The following PRLR variants were observed in gnomAD, a reference collection of about 807,000 sequenced individuals.
PRLR encodes prolactin receptor.
A neutral mutation model predicts 40.2 loss-of-function variants in PRLR; 13 were observed. The observed-to-expected ratio is 0.32, with a 90% CI of 0.21 to 0.51. PRLR has a LOEUF of 0.51. Among genes scored for constraint, PRLR ranks in the 20% least tolerant of loss-of-function variants. The pLI, the probability that PRLR is intolerant of heterozygous loss-of-function variation, is 0.97. For synonymous variants in PRLR, 269 were observed against 278.7 expected (o/e 0.97, Z 0.35); for missense variants, 656 against 747.3 (o/e 0.88, Z 1.42).
intron 1 of PRLR, among the ~76,000 whole-genome samples, chr5:35,162,566 C>T (rs565516540): frequency 1.3e-5 from 2 of 152,292 alleles, no homozygotes; most frequent in Non-Finnish European, 2.9e-5. Flanking sequence ...ACATGCCCTC[C>T]GAAGAGATTG....
chr5:35,072,395 G>T (rs1769802181), intron 6 of PRLR, among the ~76,000 whole-genome samples, 180 bp downstream of exon 6: 1 of 152,130 alleles, frequency 6.6e-6, no homozygotes, highest in Non-Finnish European at 1.5e-5. Flanking sequence ...GAGCTGTGAA[G>T]ATGAGCCCCC....
At chr5:35,054,543 C>T (rs780057370), downstream of PRLR, among the ~76,000 whole-genome samples, 8 of 152,128 alleles carry the variant, frequency 5.3e-5, no homozygotes, top group Admixed American at 1.3e-4. Flanking sequence ...TGTACAATTA[C>T]AGCAGCTATA....
chr5:35,093,578 A>C (rs1365077320), intron 2 of PRLR, among the ~76,000 whole-genome samples: 3 of 152,206 alleles, frequency 2.0e-5, no homozygotes, highest in African/African-American at 7.2e-5. Flanking sequence ...AGGGTCCAGA[A>C]ATGGACCCTG....
chr5:35,088,341 G>C (rs1383457966), intron 3 of PRLR, among the ~76,000 whole-genome samples: 1 of 152,204 alleles, frequency 6.6e-6, no homozygotes, highest in Non-Finnish European at 1.5e-5. Flanking sequence ...GCAAGTTTTT[G>C]TTTTGCTTTG....
At chr5:35,172,073 T>G (rs982924074) in intron 1 of PRLR, among the ~76,000 whole-genome samples, 1 of 152,296 alleles carries the variant, frequency 6.6e-6, no homozygotes, top group East Asian at 1.9e-4. Context: ...AGGTTAACAG[T>G]GCAAGCTACA....
intron 1 of PRLR, among the ~76,000 whole-genome samples, chr5:35,144,350 G>A (rs1269688708): frequency 6.6e-6 from 1 of 152,156 alleles, no homozygotes; most frequent in African/African-American, 2.4e-5. Context: ...AGAGATGCAG[G>A]TAAACATAGA....
At chr5:35,114,834 A>G (rs1772912351) in intron 2 of PRLR, among the ~76,000 whole-genome samples, 1 of 152,180 alleles carries the variant, frequency 6.6e-6, no homozygotes, top group South Asian at 2.1e-4. Flanking sequence ...ATTTGTTAAC[A>G]TAAAGAGTTT....
In PRLR at chr5:35,080,934, C is replaced by T. The variant is rs144689094; in HGVS notation, c.373+3536G>A. On this transcript the variant is annotated intron_variant, in intron 5 of 9. Transcript: ENST00000618457. The stretch of plus-strand genomic sequence containing the variant: ...AATCCATCATTCTCAGCAAAACTAT[C>T]GCAAAGACAGAAAACCAAACACCGC... Among the ~76,000 whole-genome samples the T allele has an allele frequency of 2.2e-3, 334 of 150,982 alleles. 1 individual carries two copies. Among genetic ancestry groups the T allele is most frequent in the African/African-American group, 7.7e-3 (317 of 41,062 alleles).
intron 1 of PRLR, among the ~76,000 whole-genome samples, chr5:35,165,743 T>C (rs372234332): frequency 4.6e-4 from 70 of 152,342 alleles, no homozygotes; most frequent in African/African-American, 1.6e-3. Context: ...CTGAAAGAAT[T>C]ATATGCCAGG....
intron 5 of PRLR, among the ~76,000 whole-genome samples, chr5:35,079,015 T>G (rs889013079): frequency 6.6e-6 from 1 of 152,194 alleles, no homozygotes; most frequent in Non-Finnish European, 1.5e-5. Context: ...ACAGCCTTCA[T>G]GCTAAAAACT....
At chr5:35,159,713 T>C (rs1490353302) in intron 1 of PRLR, among the ~76,000 whole-genome samples, 1 of 152,172 alleles carries the variant, frequency 6.6e-6, no homozygotes, top group Non-Finnish European at 1.5e-5. Context: ...GCATGGAGTT[T>C]GGGGGCATTT....
At chr5:35,146,566 C>T (rs562891774) in intron 1 of PRLR, among the ~76,000 whole-genome samples, 1 of 152,174 alleles carries the variant, frequency 6.6e-6, no homozygotes, top group Non-Finnish European at 1.5e-5. Context: ...GCATCATTGT[C>T]ATCGTTATAA....
At chr5:35,119,183 G>T (rs995773127) in intron 1 of PRLR, among the ~76,000 whole-genome samples, 2 of 152,150 alleles carry the variant, frequency 1.3e-5, no homozygotes, top group African/African-American at 4.8e-5. Flanking sequence ...TCCAAGCAAA[G>T]GCAAATAATC....
Position 35,066,046 on chromosome 5 carries a change from A to G in PRLR, c.912T>C (p.Thr304=). The change falls in exon 10 of 10, where the codon ACT becomes ACC. Residue 304 remains threonine (T), a synonymous_variant. Coordinates refer to ENST00000618457, the MANE Select transcript of PRLR (RefSeq NM_000949.7). ...SALGCQDFPP[T]SDYEDLLVEY... ...CCACCAGCAAGTCCTCATAGTCAGAAGTGGGAGGAAAGTCTTGGCATCCCA... is the reference window on the plus strand; with the variant it reads ...CCACCAGCAAGTCCTCATAGTCAGAGGTGGGAGGAAAGTCTTGGCATCCCA... 6.2e-7 allele frequency: 1 copy of G among 1,614,150 alleles called. No homozygotes were observed. The highest frequency in any genetic ancestry group is 8.5e-7 in the Non-Finnish European group (1 of 1,180,010).
At chr5:35,109,254 C>T (rs1772483509) in intron 2 of PRLR, among the ~76,000 whole-genome samples, 1 of 152,052 alleles carries the variant, frequency 6.6e-6, no homozygotes, top group African/African-American at 2.4e-5. Context: ...GACCTAAAAC[C>T]ATAAAAACCC....
chr5:35,188,783 T>C (rs1307966505), intron 1 of PRLR, among the ~76,000 whole-genome samples: 1 of 152,214 alleles, frequency 6.6e-6, no homozygotes, highest in African/African-American at 2.4e-5. Context: ...GAGCTTTTTA[T>C]TTATACCCAG....
intron 1 of PRLR, among the ~76,000 whole-genome samples, chr5:35,120,300 G>A (rs1290954146): frequency 6.6e-6 from 1 of 152,174 alleles, no homozygotes; most frequent in Non-Finnish European, 1.5e-5. Flanking sequence ...TCTTTATGCA[G>A]ATAGGGGGGT....
At chr5:35,187,341 T>C (rs6451188) in intron 1 of PRLR, among the ~76,000 whole-genome samples, 136,198 of 151,482 alleles carry the variant, frequency 0.9, 62,028 homozygotes, top group African/African-American at 0.97. Flanking sequence ...GCAGAGGTTG[T>C]AGTGAGCCGA....
At chr5:35,090,157 A>C (rs966125280) in intron 2 of PRLR, among the ~76,000 whole-genome samples, 3 of 152,190 alleles carry the variant, frequency 2.0e-5, no homozygotes, top group Non-Finnish European at 4.4e-5. Context: ...TGAAGGTTCA[A>C]GCTGAGAAGG....
Sources: gnomAD v4.1 joint callset for allele counts (sites outside exome capture counted in the v4.1 genomes callset) on GRCh38, gnomAD v4.1.1 for gene constraint, MANE v1.5 for transcripts, NCBI Gene and HGNC (gene_info 2026-07-23, HGNC 2026-07-21) for gene names.